CNTNAP2: variants seen among roughly 807,000 people sequenced by gnomAD.
The protein encoded by CNTNAP2 is contactin associated protein 2.
A neutral mutation model predicts 155.2 loss-of-function variants in CNTNAP2; 98 were observed. That is an observed-to-expected ratio of 0.63 (90% CI 0.54 to 0.75). The LOEUF (loss-of-function observed/expected upper bound fraction) is 0.75, where lower values mean the gene tolerates loss of function less well. Ranked by LOEUF, CNTNAP2 falls within the 30% of genes least tolerant of loss-of-function variation. The pLI is 0.00. For synonymous variants in CNTNAP2, 651 were observed against 631.2 expected, an observed-to-expected ratio of 1.03 and a Z score of -0.47; for missense variants, 1,727 against 1,688.1, an observed-to-expected ratio of 1.02 and a Z score of -0.40.
At chr7:148,223,792 A>G (rs1439707105) in intron 19 of CNTNAP2, among the ~76,000 whole-genome samples, 2 of 152,198 alleles carry the variant, frequency 1.3e-5, no homozygotes, top group South Asian at 2.1e-4. Context: ...TTAAAATCAT[A>G]TTTACAAAGT....
chr7:147,395,008 C>A (rs73475243), intron 9 of CNTNAP2, among the ~76,000 whole-genome samples: 2 of 151,088 alleles, frequency 1.3e-5, no homozygotes, highest in Non-Finnish European at 3.0e-5. Flanking sequence ...GGGTGGCTGA[C>A]CCTTATGCCT....
At chr7:147,998,256 C>T (rs1283150837) in intron 15 of CNTNAP2, among the ~76,000 whole-genome samples, 5 of 151,802 alleles carry the variant, frequency 3.3e-5, no homozygotes, top group South Asian at 2.1e-4. Context: ...GGATTACAGG[C>T]GCCCGCCACC....
intron 1 of CNTNAP2, among the ~76,000 whole-genome samples, chr7:146,539,485 G>C (rs1797919114): frequency 1.3e-5 from 2 of 151,854 alleles, no homozygotes; most frequent in African/African-American, 4.8e-5. Context: ...TGGTAAAATG[G>C]TTAAATATTC....
intron 13 of CNTNAP2, among the ~76,000 whole-genome samples, chr7:147,853,458 A>T (rs1315770205): frequency 6.6e-6 from 1 of 151,904 alleles, no homozygotes; most frequent in East Asian, 1.9e-4. Flanking sequence ...CGCTTTAAAA[A>T]TCCTATTTAT....
At chr7:148,031,937 T>A (rs77382941) in intron 15 of CNTNAP2, among the ~76,000 whole-genome samples, 2 of 152,154 alleles carry the variant, frequency 1.3e-5, no homozygotes, top group Non-Finnish European at 1.5e-5. Flanking sequence ...AGTTATCTAC[T>A]TAGGGAAGAT....
intron 1 of CNTNAP2, among the ~76,000 whole-genome samples, chr7:146,648,939 G>A (rs371722723): frequency 2.0e-5 from 3 of 151,986 alleles, no homozygotes; most frequent in East Asian, 3.9e-4. Flanking sequence ...CTAATTGTTG[G>A]CGGACAGATG....
At chr7:147,948,119 C>A (rs1398855696) in intron 14 of CNTNAP2, among the ~76,000 whole-genome samples, 1 of 151,860 alleles carries the variant, frequency 6.6e-6, no homozygotes, top group African/African-American at 2.4e-5. Context: ...TTATTCAGAA[C>A]ACATTAGAAT....
intron 1 of CNTNAP2, among the ~76,000 whole-genome samples, chr7:146,191,358 G>A (rs2116852414): frequency 6.6e-6 from 1 of 152,296 alleles, no homozygotes; most frequent in African/African-American, 2.4e-5. Flanking sequence ...GAGATCACAT[G>A]CTTCACAAGG....
intron 21 of CNTNAP2, among the ~76,000 whole-genome samples, chr7:148,303,878 G>A (rs554665208): frequency 2.0e-5 from 3 of 152,344 alleles, no homozygotes; most frequent in East Asian, 1.9e-4. Flanking sequence ...AGGAAGGAAA[G>A]TTGTCACTGG....
intron 1 of CNTNAP2, among the ~76,000 whole-genome samples, chr7:146,209,393 C>T (rs556856041): frequency 2.6e-5 from 4 of 152,300 alleles, no homozygotes; most frequent in Non-Finnish European, 4.4e-5. Context: ...TATGCAACAT[C>T]AGCTATCATT....
At chr7:147,998,035 G>T (rs1003635670) in intron 15 of CNTNAP2, among the ~76,000 whole-genome samples, 1 of 151,916 alleles carries the variant, frequency 6.6e-6, no homozygotes, top group Non-Finnish European at 1.5e-5. Context: ...GCGAATGCTG[G>T]GGCTTATTGT....
At chr7:147,083,366 CTG>C (rs1243359283) in intron 4 of CNTNAP2, 1 of 151,858 alleles carries the variant, frequency 6.6e-6, no homozygotes, top group Non-Finnish European at 1.5e-5. Flanking sequence ...ATGGGGAACA[CTG>C]TATTTTGCTT....
At chr7:148,086,903 A>T (rs538361959) in intron 15 of CNTNAP2, among the ~76,000 whole-genome samples, 2 of 152,280 alleles carry the variant, frequency 1.3e-5, no homozygotes, top group East Asian at 3.9e-4. Context: ...GTGCGTTACT[A>T]CCATGATGTC....
chr7:147,029,171 G>C (rs998430022), intron 3 of CNTNAP2, among the ~76,000 whole-genome samples: 2 of 151,828 alleles, frequency 1.3e-5, no homozygotes, highest in Admixed American at 6.6e-5. Context: ...CACCATGTTA[G>C]CCAGGATGGT....
chr7:147,784,037 A>G (rs145625670), intron 13 of CNTNAP2, among the ~76,000 whole-genome samples: 13 of 152,192 alleles, frequency 8.5e-5, no homozygotes, highest in Non-Finnish European at 1.5e-4. Flanking sequence ...GGGAGCCCTT[A>G]GAGTTCCTTG....
intron 8 of CNTNAP2, among the ~76,000 whole-genome samples, chr7:147,166,741 G>A (rs1802121580): frequency 6.6e-6 from 1 of 151,974 alleles, no homozygotes; most frequent in Non-Finnish European, 1.5e-5. Flanking sequence ...GGTTTCTCTG[G>A]TGGGCAGAGT....
At chr7:146,738,919 T>A (rs1039231456) in intron 1 of CNTNAP2, among the ~76,000 whole-genome samples, 7 of 151,800 alleles carry the variant, frequency 4.6e-5, no homozygotes, top group Non-Finnish European at 1.0e-4. Flanking sequence ...GTTATCCAAT[T>A]TTTTGGTGTA....
intron 17 of CNTNAP2, among the ~76,000 whole-genome samples, chr7:148,154,451 C>T (rs1449677410): frequency 6.6e-6 from 1 of 152,202 alleles, no homozygotes; most frequent in Admixed American, 6.5e-5. Flanking sequence ...AGCTGCTTCT[C>T]ATACTCTCTG....
chr7:147,597,657 T>C (rs1469665895), intron 12 of CNTNAP2, among the ~76,000 whole-genome samples: 3 of 152,200 alleles, frequency 2.0e-5, no homozygotes, highest in African/African-American at 4.8e-5. Context: ...AGATAGGAAC[T>C]ACCTCAAGCT....
Sources: allele counts gnomAD v4.1 joint callset (sites outside exome capture counted in the v4.1 genomes callset), GRCh38; gene constraint gnomAD v4.1.1; transcripts MANE v1.5; gene names NCBI Gene and HGNC (gene_info 2026-07-23, HGNC 2026-07-21).